The following CARF variants were observed in gnomAD, a reference collection of about 807,000 sequenced individuals.
CARF encodes the protein calcium-responsive transcription factor.
CARF carries 57 observed loss-of-function variants against 82.0 expected under a neutral mutation model. The observed-to-expected ratio is 0.70, with a 90% confidence interval of 0.56 to 0.87. The LOEUF (loss-of-function observed/expected upper bound fraction) is 0.87. CARF is among the 40% of genes least tolerant of loss of function. CARF has a pLI of 0.00. For missense variants in CARF, 771 were observed against 855.8 expected (o/e 0.90, Z 1.24); for synonymous variants, 268 against 290.1 (o/e 0.92, Z 0.77).
chr2:202,952,595 C>A lies in CARF; in HGVS notation c.343C>A (p.Leu115Ile). ...CAGCCCAACAGAAAATGGACAGGTA[C>A]TTCGTGTAATTCCACCTACCCAGAC... ...VASPTENGQV[L>I]RVIPPTQTGM... Residue 115 changes from leucine to isoleucine, a missense_variant, in exon 6 of 17, where the codon CTT becomes ATT. By Grantham distance (5) the Leu-to-Ile change is conservative (BLOSUM62 2). Transcript: ENST00000438828. 1 of 1,613,304 alleles carries A rather than the reference C, an allele frequency of 6.2e-7. No individual in the cohort carries two copies.
chr2:202,964,220 C>T lies in CARF; in HGVS notation c.833-2758C>T, dbSNP rs577770720. Among the ~76,000 whole-genome samples, 26 of 152,276 alleles carry T rather than the reference C, an allele frequency of 1.7e-4. No homozygotes were observed. In the South Asian group the frequency reaches 5.2e-3, roughly 30 times the overall value. ...TCCTGTCAGCAGTGTGTGAAAATTTCATTTCCCCACTTTTACTTCATGACT... is the reference window on the plus strand; with the variant it reads ...TCCTGTCAGCAGTGTGTGAAAATTTTATTTCCCCACTTTTACTTCATGACT... On this transcript the variant is annotated intron_variant, in intron 9 of 16. Transcript: ENST00000438828.
In CARF at chr2:202,977,345, G is replaced by T. The variant is rs762431731; in HGVS notation, c.1558+13G>T. 5.1e-6 allele frequency: 8 copies of T among 1,578,494 alleles called. No homozygotes were observed. The highest frequency in any genetic ancestry group is 5.0e-5 in the Admixed American group (3 of 59,498). ...ACATTTGCAGAAGGTAGGTTTTCTT[G>T]AATACCTTTAAAATATAAATTCAAA... On this transcript the variant is annotated intron_variant, in intron 14 of 16. Coordinates refer to ENST00000438828, the MANE Select transcript of CARF (RefSeq NM_024744.17).
chr2:202,949,508 GTTAT>G (rs1323306657), intron 5 of CARF, among the ~76,000 whole-genome samples: 41 of 139,380 alleles, frequency 2.9e-4, no homozygotes, highest in South Asian at 1.2e-3. Flanking sequence ...ATGACTTTTT[GTTAT>G]TTATTTATTA....
chr2:202,972,039 C>A (rs1279027522), intron 12 of CARF, among the ~76,000 whole-genome samples: 1 of 151,914 alleles, frequency 6.6e-6, no homozygotes, highest in African/African-American at 2.4e-5. Context: ...TTAATAAATA[C>A]TTTTAGAGAA....
chr2:202,920,727 A>G (rs2105949536), intron 2 of CARF, among the ~76,000 whole-genome samples: 1 of 152,300 alleles, frequency 6.6e-6, no homozygotes, highest in East Asian at 1.9e-4. Context: ...ATTCTTGACA[A>G]TTTACTTTAG....
chr2:202,939,845 G>C (rs2058141817), intron 3 of CARF, among the ~76,000 whole-genome samples: 2 of 150,960 alleles, frequency 1.3e-5, no homozygotes, highest in Admixed American at 1.3e-4. Context: ...CACACCACCA[G>C]ACATGGCTGA....
Position 202,986,868 on chromosome 2 carries a change from GTATATATATATATATATATA to G in CARF, c.*3265_*3284del, listed in dbSNP as rs67693134. 3.4e-5 allele frequency: 1 copy of G among 29,638 alleles called. No homozygotes were observed. Among genetic ancestry groups the G allele is most frequent in the African/African-American group, 7.7e-5 (1 of 13,012 alleles). 1.8% of individuals were successfully genotyped at this position (29,638 alleles called of 1,614,324 possible). Reference sequence around the variant, plus strand: ...AAAGAGGTTTAAAAAATGTCTGTGCGTATATATATATATATATATATATATATATATATATATATAGCAAC... The same window carrying G: ...AAAGAGGTTTAAAAAATGTCTGTGCGTATATATATATATATATATAGCAAC... On this transcript the variant is annotated 3_prime_UTR_variant, in exon 17 of 17. Transcript: ENST00000438828.
chr2:202,980,616 G>GTATATATATATATATA lies in CARF; in HGVS notation c.1559-908_1559-893dup, dbSNP rs34656288. 8.7e-4 allele frequency among the ~76,000 whole-genome samples: 37 copies of GTATATATATATATATA among 42,620 alleles called. 3 individuals are homozygous for GTATATATATATATATA. Among genetic ancestry groups the GTATATATATATATATA allele is most frequent in the South Asian group, 4.3e-3 (5 of 1,176 alleles). The allele number at this position is 42,620 out of a possible 152,430, so 28.0% of individuals were successfully genotyped here. On this transcript the variant is annotated intron_variant, in intron 14 of 16. Coordinates refer to ENST00000438828, the MANE Select transcript of CARF (RefSeq NM_024744.17). Reference sequence around the variant, plus strand: ...GAGTTACAGATATAGCGTCTTTCAAGTATATATATATATATATATATATAT... The same window carrying GTATATATATATATATA: ...GAGTTACAGATATAGCGTCTTTCAAGTATATATATATATATATATATATATATATATATATATATAT...
At chr2:202,913,499 A>C (rs1053059728) in intron 1 of CARF, among the ~76,000 whole-genome samples, 2 of 152,214 alleles carry the variant, frequency 1.3e-5, no homozygotes, top group Non-Finnish European at 2.9e-5. Context: ...GCCAGCGTGA[A>C]TAGATAAGGG....
intron 12 of CARF, among the ~76,000 whole-genome samples, chr2:202,972,987 G>T (rs1440602831): frequency 6.6e-6 from 1 of 152,054 alleles, no homozygotes; most frequent in Non-Finnish European, 1.5e-5. Context: ...ATGTTGCCCA[G>T]GCTGGTCTTG....
At chr2:202,953,890 T>C in intron 6 of CARF, 115 bp from the exon 7 acceptor site, 1 of 806,966 alleles carries the variant, frequency 1.2e-6, no homozygotes, top group Non-Finnish European at 1.8e-6. Flanking sequence ...TCCTTTACTC[T>C]CAATAAAGCA....
Position 202,952,585 on chromosome 2 carries a change from T to G in CARF, c.333T>G (p.Asn111Lys). The change falls in exon 6 of 17, where the codon AAT becomes AAG. Residue 111 changes from asparagine (N) to lysine (K), a missense_variant. Asn to Lys is a moderately conservative substitution (Grantham distance 94). Transcript: ENST00000438828. ...TGATCGTTGCCAGCCCAACAGAAAA[T>G]GGACAGGTACTTCGTGTAATTCCAC... ...QMMIVASPTE[N>K]GQVLRVIPPT... 1 of 1,613,542 alleles carries G rather than the reference T, an allele frequency of 6.2e-7. No homozygotes were observed. The highest frequency in any genetic ancestry group is 1.3e-5 in the African/African-American group (1 of 74,908).
chr2:202,925,573 TA>T, intron 3 of CARF: 1 of 243,142 alleles, frequency 4.1e-6, no homozygotes, highest in South Asian at 4.5e-5. Flanking sequence ...GACAGATCTC[TA>T]AGATGAACCA....
intron 12 of CARF, among the ~76,000 whole-genome samples, chr2:202,973,065 G>A (rs1574770329): frequency 2.6e-5 from 4 of 152,024 alleles, no homozygotes; most frequent in Admixed American, 2.0e-4. Flanking sequence ...CACCTGATTC[G>A]GTGTTTTCTT....
At chr2:202,921,751 T>A in intron 2 of CARF, among the ~76,000 whole-genome samples, 1 of 152,210 alleles carries the variant, frequency 6.6e-6, no homozygotes, top group Admixed American at 6.5e-5. Context: ...TATAAGTGAC[T>A]TTAACTTTCT....
At chr2:202,921,449 G>T (rs1348832592) in intron 2 of CARF, among the ~76,000 whole-genome samples, 1 of 152,070 alleles carries the variant, frequency 6.6e-6, no homozygotes, top group African/African-American at 2.4e-5. Flanking sequence ...TTCCATAATT[G>T]CGTTAGTTAA....
rs2060374091 is a variant in CARF, at chr2:202,984,543, AT to A, written c.*922del. 1 of 152,186 alleles carries A rather than the reference AT, an allele frequency of 6.6e-6. No individual in the cohort carries two copies. Among genetic ancestry groups the A allele is most frequent in the Non-Finnish European group, 1.5e-5 (1 of 68,022 alleles). 9.4% of individuals were successfully genotyped at this position (152,186 alleles called of 1,614,324 possible). A position where few individuals can be genotyped will look rare whatever the true frequency, so the allele number is the denominator to read the frequency against. On this transcript the variant is annotated 3_prime_UTR_variant, in exon 17 of 17. Coordinates refer to ENST00000438828, the MANE Select transcript of CARF (RefSeq NM_024744.17). The stretch of plus-strand genomic sequence containing the variant: ...AAGATCCAGCACTGGTTAAAAAATA[AT>A]TTGATTTGTAGTTACATTTTTCTAT...
At chr2:202,976,716 C>CT (rs5837834) in intron 13 of CARF, among the ~76,000 whole-genome samples, 137,527 of 140,100 alleles carry the variant, frequency 0.98, 67,520 homozygotes, top group South Asian at 0.99. Context: ...AACTCTTTGT[C>CT]TTTTTTTTTT....
chr2:202,950,234 A>G (rs1005357774), intron 5 of CARF, among the ~76,000 whole-genome samples: 1 of 152,230 alleles, frequency 6.6e-6, no homozygotes, highest in Non-Finnish European at 1.5e-5. Flanking sequence ...TGAGACTTTT[A>G]TCTACTATGC....
Sources: allele counts gnomAD v4.1 joint callset (sites outside exome capture counted in the v4.1 genomes callset), GRCh38; gene constraint gnomAD v4.1.1; transcripts MANE v1.5; gene names NCBI Gene and HGNC (gene_info 2026-07-23, HGNC 2026-07-21).